The following TTYH2 variants were observed in gnomAD, a reference collection of about 807,000 sequenced individuals.
The protein encoded by TTYH2 is tweety family member 2.
TTYH2 carries 49 observed loss-of-function variants against 68.3 expected under a neutral mutation model. That is an observed-to-expected ratio of 0.72 (90% CI 0.57 to 0.91). The LOEUF is 0.91. Among genes scored for constraint, TTYH2 ranks in the 40% least tolerant of loss-of-function variants. The pLI is 0.00. For synonymous variants in TTYH2, 272 were observed against 300.8 expected (o/e 0.90, Z 0.99); for missense variants, 631 against 700.4 (o/e 0.90, Z 1.12).
chr17:74,249,289 A>G, intron 7 of TTYH2, 55 bp from the exon 8 acceptor site: 2 of 1,563,012 alleles, frequency 1.3e-6, no homozygotes, highest in South Asian at 1.1e-5. Flanking sequence ...CAAGGATGAT[A>G]GAGATCTCAT....
At chr17:74,224,136 G>T (rs755952016) in intron 2 of TTYH2, among the ~76,000 whole-genome samples, 1 of 152,208 alleles carries the variant, frequency 6.6e-6, no homozygotes, top group African/African-American at 2.4e-5. Context: ...ATGGCCGGGC[G>T]CGGTGACTCA....
intron 2 of TTYH2, among the ~76,000 whole-genome samples, chr17:74,224,923 C>T (rs1486764486): frequency 2.0e-5 from 3 of 150,806 alleles, no homozygotes; most frequent in Non-Finnish European, 4.4e-5. Flanking sequence ...CATTTGAACC[C>T]GGGAGGCAGG....
intron 2 of TTYH2, among the ~76,000 whole-genome samples, chr17:74,225,149 G>T (rs560095693): frequency 6.6e-6 from 1 of 152,200 alleles, no homozygotes. Context: ...TGGCAAAGGT[G>T]GGGGCAGGGG....
At position 74,257,153 on chromosome 17, in the gene TTYH2, A is replaced by G. The variant is rs116589811; in HGVS notation, c.1525-2976A>G. ...GTGATGCCAAATAAAAATGATTTTC[A>G]GATTCCCTTCTGTTTGAAAGATCCA... On this transcript the variant is annotated intron_variant, in intron 13 of 13. Transcript: ENST00000269346. 7.9e-4 allele frequency among the ~76,000 whole-genome samples: 120 copies of G among 152,386 alleles called. 2 individuals carry two copies. The highest frequency in any genetic ancestry group is 2.8e-3 in the African/African-American group (115 of 41,598).
chr17:74,247,555 T>G lies in TTYH2; in HGVS notation c.805-1456T>G, dbSNP rs374994119. 1.2e-4 allele frequency among the ~76,000 whole-genome samples: 18 copies of G among 152,276 alleles called. No homozygotes were observed. The East Asian group carries it at 3.3e-3, about 28-fold the overall frequency. On this transcript the variant is annotated intron_variant, in intron 6 of 13. Coordinates refer to ENST00000269346, the MANE Select transcript of TTYH2 (RefSeq NM_032646.6). ...AGAGGCAGGAGGAAGACCATGTCAC[T>G]GTGGAGCCTTGGACTGGAGCCTCCT...
intron 7 of TTYH2, 90 bp from the exon 8 acceptor site, chr17:74,249,254 G>A (rs1014041052): frequency 1.8e-5 from 28 of 1,578,856 alleles, no homozygotes; most frequent in African/African-American, 1.3e-4. Flanking sequence ...GCTCAGGGAC[G>A]GGGAGGGAGG....
intron 13 of TTYH2, among the ~76,000 whole-genome samples, chr17:74,257,800 C>G (rs1213024680): frequency 6.6e-6 from 1 of 152,148 alleles, no homozygotes; most frequent in Non-Finnish European, 1.5e-5. Flanking sequence ...GGGGAAGGAG[C>G]CTGGGAGATT....
rs1185197961 is a variant in TTYH2, at chr17:74,248,229, G to A, written c.805-782G>A. The A allele has an allele frequency of 4.1e-6, 4 of 975,220 alleles. No homozygotes were observed. The East Asian group carries it at 3.4e-4, about 84-fold the overall frequency. 60.4% of individuals were successfully genotyped at this position (975,220 alleles called of 1,614,324 possible). A position where few individuals can be genotyped will look rare whatever the true frequency, so the allele number is the denominator to read the frequency against. On this transcript the variant is annotated intron_variant, in intron 6 of 13. Transcript: ENST00000269346. ...CTCTCCCTGGCTGCTCTGGAAGGCGGAGGCCCCCCAGTTTATCCAGTCCCT... is the reference window on the plus strand; with the variant it reads ...CTCTCCCTGGCTGCTCTGGAAGGCGAAGGCCCCCCAGTTTATCCAGTCCCT...
intron 13 of TTYH2, among the ~76,000 whole-genome samples, chr17:74,259,586 G>C (rs2050727106): frequency 6.6e-6 from 1 of 151,912 alleles, no homozygotes; most frequent in Admixed American, 6.6e-5. Flanking sequence ...GATGTTTTTA[G>C]GCTCCCCAGG....
At chr17:74,216,605 C>G (rs892000687) in intron 1 of TTYH2, among the ~76,000 whole-genome samples, 2 of 152,364 alleles carry the variant, frequency 1.3e-5, no homozygotes, top group East Asian at 1.9e-4. Flanking sequence ...CCCTCTCCCC[C>G]CAGTGAACTT....
chr17:74,229,723 G>C (rs1017625123), intron 2 of TTYH2, among the ~76,000 whole-genome samples: 2 of 152,246 alleles, frequency 1.3e-5, no homozygotes, highest in African/African-American at 4.8e-5. Context: ...AGTCATGGAA[G>C]AATCTTAAAT....
chr17:74,246,519 C>A (rs1238030123), intron 6 of TTYH2, among the ~76,000 whole-genome samples: 2 of 152,102 alleles, frequency 1.3e-5, no homozygotes, highest in Non-Finnish European at 2.9e-5. Flanking sequence ...TCACGGGGGT[C>A]CCTTCAGACC....
At chr17:74,252,132 C>T in intron 10 of TTYH2, 102 bp from the exon 11 acceptor site, 1 of 1,501,348 alleles carries the variant, frequency 6.7e-7, no homozygotes, top group Non-Finnish European at 9.0e-7. Flanking sequence ...GCCAGGAGAC[C>T]CCAGGTCCAG....
Position 74,260,520 on chromosome 17 carries a change from G to A in TTYH2, c.*311G>A. On this transcript the variant is annotated 3_prime_UTR_variant, in exon 14 of 14. Transcript: ENST00000269346. Reference sequence around the variant, plus strand: ...CCTACGCCTCGCCCTTGCCAGGAGGGGAGTGGCAGTGAGGAGGGGGCCAGG... The same window carrying A: ...CCTACGCCTCGCCCTTGCCAGGAGGAGAGTGGCAGTGAGGAGGGGGCCAGG... The A allele has an allele frequency of 2.6e-6, 1 of 389,522 alleles. No individual in the cohort carries two copies. Among genetic ancestry groups the A allele is most frequent in the Non-Finnish European group, 4.9e-6 (1 of 205,542 alleles). The allele number at this position is 389,522 out of a possible 1,614,324, so 24.1% of individuals were successfully genotyped here.
rs1004300103 is a variant in TTYH2 at position 74,215,206 on chromosome 17, C to T, written c.129+1490C>T. Among the ~76,000 whole-genome samples the T allele has an allele frequency of 7.3e-6, 1 of 137,022 alleles. No homozygotes were observed. Among genetic ancestry groups the T allele is most frequent in the Non-Finnish European group, 1.5e-5 (1 of 66,112 alleles). 89.9% of individuals were successfully genotyped at this position (137,022 alleles called of 152,430 possible). On this transcript the variant is annotated intron_variant, in intron 1 of 13. Coordinates refer to ENST00000269346, the MANE Select transcript of TTYH2 (RefSeq NM_032646.6). The surrounding 1 kb of genome is among the most constrained non-coding windows in gnomAD (Gnocchi z 4.3). The stretch of plus-strand genomic sequence containing the variant: ...GTGTGTGTGTGTGTGTGTGTGTGTC[C>T]CCATCCCAAACCCTGTGCCCCACAT...
intron 1 of TTYH2, among the ~76,000 whole-genome samples, chr17:74,216,895 G>A (rs2050226540): frequency 6.6e-6 from 1 of 152,244 alleles, no homozygotes; most frequent in Non-Finnish European, 1.5e-5. Flanking sequence ...AAGAACTAAT[G>A]AGTTCATGGA....
rs767375164 is a variant in TTYH2, at chr17:74,237,347, G to A, written c.468G>A (p.Arg156=). Residue 156 remains arginine, a synonymous_variant, in exon 4 of 14, where the codon CGG becomes CGA. Coordinates refer to ENST00000269346, the MANE Select transcript of TTYH2 (RefSeq NM_032646.6). The stretch of plus-strand genomic sequence containing the variant: ...TGGACCTAGAGCAGCACCTGGCCCG[G>A]CTCAGTGAGATCTTTGCTGCCCGGG... ...MKVDLEQHLA[R]LSEIFAARGD... is the part of the protein sequence containing the mutation. 3.1e-6 allele frequency: 5 copies of A among 1,614,166 alleles called. No individual in the cohort carries two copies. The South Asian group carries it at 4.4e-5, about 14-fold the overall frequency.
chr17:74,254,212 A>G (rs532162053), intron 13 of TTYH2, among the ~76,000 whole-genome samples: 223 of 151,436 alleles, frequency 1.5e-3, no homozygotes, highest in African/African-American at 5.1e-3. Context: ...ATCTCACTCT[A>G]TTGCCCAGGC....
rs77577861 is a variant in TTYH2 at position 74,233,484 on chromosome 17, C to T, written c.414+2485C>T. The stretch of plus-strand genomic sequence containing the variant: ...ATTACTGTAATCACCTTGGGGTCAG[C>T]GGGAGGCTGGGATCCAGGACGCTGT... On this transcript the variant is annotated intron_variant, in intron 3 of 13. Transcript: ENST00000269346. 9.8e-3 allele frequency among the ~76,000 whole-genome samples: 1,489 copies of T among 152,252 alleles called. 133 individuals are homozygous for T. The East Asian group carries it at 0.21, about 21-fold the overall frequency.
Sources: allele counts gnomAD v4.1 joint callset (sites outside exome capture counted in the v4.1 genomes callset), GRCh38; gene constraint gnomAD v4.1.1; non-coding constraint Gnocchi (gnomAD v3.1); transcripts MANE v1.5; gene names NCBI Gene and HGNC (gene_info 2026-07-23, HGNC 2026-07-21).